The following TRUB1 variants were observed in gnomAD, a reference collection of about 807,000 sequenced individuals.
The protein encoded by TRUB1 is TruB pseudouridine synthase family member 1.
TRUB1 carries 23 observed loss-of-function variants against 33.9 expected under a neutral mutation model. The observed-to-expected ratio is 0.68, with a 90% CI of 0.49 to 0.96. TRUB1 has a LOEUF of 0.96. Ranked by LOEUF, TRUB1 falls within the 40% of genes least tolerant of loss-of-function variation. TRUB1 has a pLI of 0.00. For synonymous variants in TRUB1, 163 were observed against 165.4 expected, an observed-to-expected ratio of 0.99 and a Z score of 0.11; for missense variants, 378 against 422.2, an observed-to-expected ratio of 0.90 and a Z score of 0.92.
chr10:114,943,716 C>G (rs1271757602), intron 2 of TRUB1, among the ~76,000 whole-genome samples: 1 of 152,134 alleles, frequency 6.6e-6, no homozygotes, highest in African/African-American at 2.4e-5. Context: ...GTCTTTTTCT[C>G]TTATGGTCCA....
rs2084356445 is a variant in TRUB1, at chr10:114,975,469, A to G, written c.*90A>G. 2 of 1,290,006 alleles carry G rather than the reference A, an allele frequency of 1.6e-6. No homozygotes were observed. The highest frequency in any genetic ancestry group is 2.7e-5 in the Admixed American group (1 of 37,232). 79.9% of individuals were successfully genotyped at this position (1,290,006 alleles called of 1,614,324 possible). ...ACAAGCTGCATTCAAAAGACAAACA[A>G]TATGTCTTTTTTTTTTTTGCATGAA... On this transcript the variant is annotated 3_prime_UTR_variant, in exon 8 of 8. Coordinates refer to ENST00000298746, the MANE Select transcript of TRUB1 (RefSeq NM_139169.5).
At chr10:114,970,170 T>C (rs2084328948) in intron 4 of TRUB1, among the ~76,000 whole-genome samples, 198 bp from the exon 5 acceptor site, 1 of 152,216 alleles carries the variant, frequency 6.6e-6, no homozygotes, top group East Asian at 1.9e-4. Flanking sequence ...ATAAAGAATA[T>C]AAGACTTTCT....
intron 4 of TRUB1, among the ~76,000 whole-genome samples, chr10:114,966,512 C>T (rs908688701): frequency 6.6e-6 from 1 of 152,102 alleles, no homozygotes; most frequent in Non-Finnish European, 1.5e-5. Flanking sequence ...AATTTTTATG[C>T]ACACACACAC....
chr10:114,956,010 A>G (rs1462457293), intron 3 of TRUB1, among the ~76,000 whole-genome samples: 1 of 152,214 alleles, frequency 6.6e-6, no homozygotes, highest in African/African-American at 2.4e-5. Context: ...TCAAAATCAC[A>G]CCTCAGTTGA....
At chr10:114,962,680 G>A (rs763978176) in intron 4 of TRUB1, among the ~76,000 whole-genome samples, 27 of 152,162 alleles carry the variant, frequency 1.8e-4, no homozygotes, top group African/African-American at 6.0e-4. Context: ...ACAGAGGATC[G>A]TAGAACACAA....
intron 4 of TRUB1, among the ~76,000 whole-genome samples, chr10:114,960,790 A>G (rs964766319): frequency 2.6e-5 from 4 of 152,264 alleles, no homozygotes; most frequent in African/African-American, 9.6e-5. Context: ...AAAGCCAGCT[A>G]TAACCTTCAA....
intron 5 of TRUB1, 92 bp downstream of exon 5, chr10:114,970,532 C>A: frequency 1.0e-6 from 1 of 968,594 alleles, no homozygotes; most frequent in Non-Finnish European, 1.6e-6. Context: ...TTCCTCTTAG[C>A]ATATGGCAAG....
At chr10:114,954,476 C>T (rs756634507) in intron 3 of TRUB1, among the ~76,000 whole-genome samples, 11 of 152,150 alleles carry the variant, frequency 7.2e-5, no homozygotes, top group Non-Finnish European at 1.6e-4. Context: ...TATTTTGCTT[C>T]CATCTGTGAA....
chr10:114,969,751 G>C (rs1386240902), intron 4 of TRUB1, among the ~76,000 whole-genome samples: 6 of 144,000 alleles, frequency 4.2e-5, no homozygotes, highest in Non-Finnish European at 9.0e-5. Flanking sequence ...TAAAACAAGA[G>C]AGAAATTCCA....
In TRUB1 at chr10:114,975,426, G is replaced by A. The variant is rs1592055764; in HGVS notation, c.*47G>A. The A allele has an allele frequency of 2.7e-6, 4 of 1,480,654 alleles. No homozygotes were observed. The highest frequency in any genetic ancestry group is 3.6e-6 in the Non-Finnish European group (4 of 1,114,038). The allele number at this position is 1,480,654 out of a possible 1,614,324, so 91.7% of individuals were successfully genotyped here. ...ATTTTCTAGTTGACATTTGAATCCT[G>A]TGTGCAGATGCAGAATGACAAGCTG... On this transcript the variant is annotated 3_prime_UTR_variant, in exon 8 of 8. Coordinates refer to ENST00000298746, the MANE Select transcript of TRUB1 (RefSeq NM_139169.5).
chr10:114,947,395 A>T (rs1330286544), intron 2 of TRUB1, among the ~76,000 whole-genome samples: 1 of 152,262 alleles, frequency 6.6e-6, no homozygotes, highest in Non-Finnish European at 1.5e-5. Context: ...ACACCTATTT[A>T]TCATAAATCA....
chr10:114,971,237 A>G (rs1219887679), intron 5 of TRUB1, among the ~76,000 whole-genome samples: 1 of 152,070 alleles, frequency 6.6e-6, no homozygotes. Context: ...CCTAATATCA[A>G]CACCTTGGGG....
chr10:114,967,072 G>A (rs533298910), intron 4 of TRUB1, among the ~76,000 whole-genome samples: 1 of 152,206 alleles, frequency 6.6e-6, no homozygotes, highest in Non-Finnish European at 1.5e-5. Flanking sequence ...TGTATGTACA[G>A]CTTAGAATTT....
In TRUB1 at chr10:114,963,837, A is replaced by G. The variant is rs148014660; in HGVS notation, c.523+4030A>G. On this transcript the variant is annotated intron_variant, in intron 4 of 7. Coordinates refer to ENST00000298746, the MANE Select transcript of TRUB1 (RefSeq NM_139169.5). Reference sequence around the variant, plus strand: ...CTATGTAGTATGCCACTGTGTGAATATACTACACACATACTCTCCCAGTTT... The same window carrying G: ...CTATGTAGTATGCCACTGTGTGAATGTACTACACACATACTCTCCCAGTTT... 2.5e-3 allele frequency among the ~76,000 whole-genome samples: 376 copies of G among 152,302 alleles called. 1 individual carries two copies. The highest frequency in any genetic ancestry group is 4.3e-3 in the Non-Finnish European group (291 of 68,018).
chr10:114,955,430 G>C (rs976593482), intron 3 of TRUB1, among the ~76,000 whole-genome samples: 1 of 152,152 alleles, frequency 6.6e-6, no homozygotes, highest in Admixed American at 6.5e-5. Flanking sequence ...AGATGGAAAG[G>C]TTATGAAAAC....
intron 4 of TRUB1, among the ~76,000 whole-genome samples, chr10:114,967,299 A>G (rs1414892143): frequency 6.6e-6 from 1 of 152,220 alleles, no homozygotes; most frequent in African/African-American, 2.4e-5. Context: ...CAGGGTTTAC[A>G]GTGCTTGCTG....
chr10:114,965,049 C>T (rs1208211336), intron 4 of TRUB1, among the ~76,000 whole-genome samples: 3 of 151,674 alleles, frequency 2.0e-5, no homozygotes, highest in African/African-American at 7.3e-5. Flanking sequence ...CCTGCCTCAG[C>T]CTCCCAAGTA....
At chr10:114,953,679 G>C (rs1200045629) in intron 3 of TRUB1, among the ~76,000 whole-genome samples, 1 of 152,088 alleles carries the variant, frequency 6.6e-6, no homozygotes, top group Non-Finnish European at 1.5e-5. Context: ...GTCGAGGCTG[G>C]GTAATTTATA....
At chr10:114,945,042 G>C (rs2084205742) in intron 2 of TRUB1, among the ~76,000 whole-genome samples, 1 of 152,112 alleles carries the variant, frequency 6.6e-6, no homozygotes. Flanking sequence ...CTTCAGTTTT[G>C]GGTATTCATA....
Sources: gnomAD v4.1 joint callset for allele counts (sites outside exome capture counted in the v4.1 genomes callset) on GRCh38, gnomAD v4.1.1 for gene constraint, MANE v1.5 for transcripts, NCBI Gene and HGNC (gene_info 2026-07-23, HGNC 2026-07-21) for gene names.